DPYD: variants seen among roughly 807,000 people sequenced by gnomAD.
DPYD encodes dihydropyrimidine dehydrogenase [NADP(+)].
Under a neutral mutation model 116.2 loss-of-function variants are expected in DPYD, and 109 were observed. The observed-to-expected ratio is 0.94, with a 90% CI of 0.80 to 1.10. The LOEUF is 1.10. Ranked by LOEUF, DPYD falls within the 50% of genes least tolerant of loss-of-function variation. The pLI, the probability that DPYD is intolerant of heterozygous loss-of-function variation, is 0.00. For missense variants in DPYD, 1,302 were observed against 1,254.5 expected (o/e 1.04, Z -0.57); for synonymous variants, 440 against 432.0 (o/e 1.02, Z -0.23).
At chr1:97,127,297 A>G (rs1355855991) in intron 20 of DPYD, among the ~76,000 whole-genome samples, 1 of 152,186 alleles carries the variant, frequency 6.6e-6, no homozygotes, top group Non-Finnish European at 1.5e-5. Flanking sequence ...GAAGAAGGGT[A>G]GCAATGCTGA....
chr1:97,806,664 T>A (rs1053017989), intron 3 of DPYD, among the ~76,000 whole-genome samples: 6 of 151,906 alleles, frequency 3.9e-5, no homozygotes, highest in Middle Eastern at 3.2e-3. Context: ...CATTGACACA[T>A]CATTATCACA....
chr1:97,551,135 A>G (rs1651291738), intron 11 of DPYD, among the ~76,000 whole-genome samples: 1 of 152,276 alleles, frequency 6.6e-6, no homozygotes. Context: ...GGTCAATGCT[A>G]TCATACTCAG....
chr1:97,734,030 A>G (rs1380844447), intron 4 of DPYD, among the ~76,000 whole-genome samples: 1 of 152,130 alleles, frequency 6.6e-6, no homozygotes, highest in Non-Finnish European at 1.5e-5. Context: ...CAAAGATGTT[A>G]ACACTTGGAC....
intron 7 of DPYD, among the ~76,000 whole-genome samples, chr1:97,684,762 C>A (rs1182809940): frequency 6.6e-6 from 1 of 152,010 alleles, no homozygotes; most frequent in Non-Finnish European, 1.5e-5. Flanking sequence ...GGATAAATTC[C>A]TGGACACATA....
At chr1:97,823,720 T>C (rs1019071763) in intron 3 of DPYD, among the ~76,000 whole-genome samples, 1 of 152,136 alleles carries the variant, frequency 6.6e-6, no homozygotes, top group African/African-American at 2.4e-5. Flanking sequence ...TTCACCTACT[T>C]GTTAGCGTAT....
At chr1:97,494,339 G>T (rs970805036) in intron 13 of DPYD, among the ~76,000 whole-genome samples, 3 of 152,082 alleles carry the variant, frequency 2.0e-5, no homozygotes, top group Admixed American at 1.3e-4. Flanking sequence ...TGGGACTACA[G>T]GCATGTGCCA....
At position 97,595,101 on chromosome 1, in the gene DPYD, A is replaced by G. The variant is rs1383249780; in HGVS notation, c.916T>C (p.Ser306Pro). ...GLTQDQGFYTSKDFLPLVAKG... is the reference protein window; with the variant it reads ...GLTQDQGFYTPKDFLPLVAKG... ...GCTACAAGTGGCAAAAAGTCTTTGG[A>G]TGTATAAAACCCCTGGTCCTGCGTC... Residue 306 changes from serine to proline, a missense_variant, in exon 9 of 23, where the codon TCC becomes CCC. Transcript: ENST00000370192. 3 of 1,613,748 alleles carry G rather than the reference A, an allele frequency of 1.9e-6. No individual in the cohort carries two copies. Among genetic ancestry groups the G allele is most frequent in the Middle Eastern group, 3.3e-4 (2 of 6,062 alleles).
intron 3 of DPYD, among the ~76,000 whole-genome samples, chr1:97,821,956 C>G (rs1333251651): frequency 6.6e-6 from 1 of 151,600 alleles, no homozygotes; most frequent in Non-Finnish European, 1.5e-5. Context: ...ATTAATTTAC[C>G]TAAAATTACA....
At chr1:97,427,518 T>A (rs967714846) in intron 14 of DPYD, among the ~76,000 whole-genome samples, 7 of 152,132 alleles carry the variant, frequency 4.6e-5, no homozygotes, top group African/African-American at 1.2e-4. Context: ...CACAGGTGAT[T>A]TAAAACTCTT....
At chr1:97,201,000 G>A (rs1158755172) in intron 19 of DPYD, among the ~76,000 whole-genome samples, 1 of 152,142 alleles carries the variant, frequency 6.6e-6, no homozygotes, top group Non-Finnish European at 1.5e-5. Context: ...TAGTAACTGG[G>A]AGGGCCAACA....
chr1:97,224,406 G>A (rs547411697), intron 19 of DPYD, among the ~76,000 whole-genome samples: 4 of 152,062 alleles, frequency 2.6e-5, no homozygotes, highest in South Asian at 2.1e-4. Context: ...ACAGATTTAA[G>A]TGTACTGCAT....
chr1:97,354,784 C>G (rs1670338542), intron 16 of DPYD, among the ~76,000 whole-genome samples: 1 of 152,222 alleles, frequency 6.6e-6, no homozygotes, highest in Non-Finnish European at 1.5e-5. Context: ...AAGGTGAATT[C>G]ATTCAATTAT....
chr1:97,222,976 A>C (rs1459979298), intron 19 of DPYD, among the ~76,000 whole-genome samples: 1 of 152,070 alleles, frequency 6.6e-6, no homozygotes. Flanking sequence ...CTACCCAATG[A>C]AAATTTGTAA....
At chr1:97,293,437 C>A (rs1244759920) in intron 18 of DPYD, among the ~76,000 whole-genome samples, 2 of 152,138 alleles carry the variant, frequency 1.3e-5, no homozygotes, top group Non-Finnish European at 2.9e-5. Context: ...TTTACTTGAC[C>A]TTTCTGTGTC....
intron 18 of DPYD, among the ~76,000 whole-genome samples, chr1:97,281,004 A>G (rs535317182): frequency 6.6e-6 from 1 of 152,308 alleles, no homozygotes; most frequent in South Asian, 2.1e-4. Context: ...CCCCATAAAA[A>G]TACAATTATT....
At position 97,678,193 on chromosome 1, in the gene DPYD, G is replaced by A. The variant is rs1013327637; in HGVS notation, c.850+902C>T. Among the ~76,000 whole-genome samples the A allele has an allele frequency of 3.9e-5, 6 of 152,094 alleles. No individual in the cohort carries two copies. In the South Asian group the frequency reaches 8.3e-4, roughly 21 times the overall value. ...AAGGAGCATGCAACTTAGATCCTTC[G>A]CATGCCCAGTTCACAATAGAGTTTG... On this transcript the variant is annotated intron_variant, in intron 8 of 22. Transcript: ENST00000370192.
chr1:97,430,429 C>T (rs1284851495), intron 14 of DPYD, among the ~76,000 whole-genome samples: 1 of 151,972 alleles, frequency 6.6e-6, no homozygotes, highest in Admixed American at 6.6e-5. Flanking sequence ...TTGACAGTTG[C>T]CTTTAAAAAA....
intron 18 of DPYD, among the ~76,000 whole-genome samples, chr1:97,242,322 A>C (rs1369706887): frequency 1.3e-5 from 2 of 150,906 alleles, no homozygotes; most frequent in African/African-American, 4.8e-5. Context: ...AATAAATTAT[A>C]GTTCACCAAG....
At chr1:97,179,106 G>A (rs971289838) in intron 20 of DPYD, among the ~76,000 whole-genome samples, 6 of 152,076 alleles carry the variant, frequency 3.9e-5, no homozygotes, top group African/African-American at 1.4e-4. Flanking sequence ...TAAAACCAGA[G>A]GGGACAAAGA....
Sources: allele counts gnomAD v4.1 joint callset (sites outside exome capture counted in the v4.1 genomes callset), GRCh38; gene constraint gnomAD v4.1.1; transcripts MANE v1.5; gene names NCBI Gene and HGNC (gene_info 2026-07-23, HGNC 2026-07-21).